The following ARHGAP24 variants were observed in gnomAD, a reference collection of about 807,000 sequenced individuals.
ARHGAP24 encodes rho GTPase-activating protein 24.
ARHGAP24 carries 50 observed loss-of-function variants against 76.4 expected under a neutral mutation model. That is an observed-to-expected ratio of 0.65 (90% confidence interval 0.52 to 0.83). ARHGAP24 has a LOEUF of 0.83. Ranked by LOEUF, ARHGAP24 falls within the 40% of genes least tolerant of loss-of-function variation. The pLI, the probability that ARHGAP24 is intolerant of heterozygous loss-of-function variation, is 0.00. For synonymous variants in ARHGAP24, 345 were observed against 323.3 expected (o/e 1.07, Z -0.72); for missense variants, 930 against 914.2 (o/e 1.02, Z -0.22).
chr4:85,481,373 A>T (rs1284402723), intron 1 of ARHGAP24, among the ~76,000 whole-genome samples: 3 of 152,298 alleles, frequency 2.0e-5, no homozygotes, highest in East Asian at 1.9e-4. Context: ...TGAATTTTCA[A>T]ATAATAAACT....
At chr4:85,816,989 G>T (rs945170993) in intron 3 of ARHGAP24, among the ~76,000 whole-genome samples, 2 of 152,096 alleles carry the variant, frequency 1.3e-5, no homozygotes, top group South Asian at 4.1e-4. Flanking sequence ...AACTCATTGT[G>T]GTTTTGATTT....
intron 1 of ARHGAP24, among the ~76,000 whole-genome samples, chr4:85,549,915 G>A (rs1176677946): frequency 2.6e-5 from 4 of 152,158 alleles, no homozygotes; most frequent in African/African-American, 4.8e-5. Context: ...CCAGCTCTAT[G>A]TTGTTGCAAA....
intron 4 of ARHGAP24, among the ~76,000 whole-genome samples, chr4:85,929,700 C>G (rs1286251441): frequency 1.3e-5 from 2 of 152,196 alleles, no homozygotes; most frequent in African/African-American, 2.4e-5. Context: ...AGACTCTTTG[C>G]CACTGGATTT....
chr4:85,766,438 T>G (rs1287905246), intron 3 of ARHGAP24, among the ~76,000 whole-genome samples: 1 of 152,130 alleles, frequency 6.6e-6, no homozygotes, highest in Non-Finnish European at 1.5e-5. Flanking sequence ...TGTCCAGATC[T>G]TTGCCATTCA....
chr4:85,966,385 G>GT (rs1431999616), intron 5 of ARHGAP24, among the ~76,000 whole-genome samples: 1 of 152,150 alleles, frequency 6.6e-6, no homozygotes, highest in East Asian at 1.9e-4. Context: ...ACAAGCACTA[G>GT]TTCAATGTAG....
intron 4 of ARHGAP24, among the ~76,000 whole-genome samples, chr4:85,931,982 GTAAC>G (rs1004475041): frequency 5.4e-5 from 8 of 149,486 alleles, no homozygotes; most frequent in African/African-American, 1.8e-4. Context: ...TCCCTAGTTA[GTAAC>G]TAACAAAAAA....
chr4:85,630,252 C>A (rs1721115646), intron 2 of ARHGAP24, among the ~76,000 whole-genome samples: 1 of 152,074 alleles, frequency 6.6e-6, no homozygotes, highest in Non-Finnish European at 1.5e-5. Context: ...ATGTTGTTTT[C>A]CTGGTATCAT....
intron 2 of ARHGAP24, among the ~76,000 whole-genome samples, chr4:85,642,423 C>T (rs925944102): frequency 7.9e-5 from 12 of 152,058 alleles, no homozygotes; most frequent in African/African-American, 2.2e-4. Context: ...GTCTACTAAG[C>T]GACTAATATA....
intron 2 of ARHGAP24, among the ~76,000 whole-genome samples, chr4:85,580,153 GGAGAGAGAGA>G (rs140863021): frequency 2.5e-4 from 37 of 148,250 alleles, no homozygotes; most frequent in Middle Eastern, 3.5e-3. Context: ...GGAGGGTGAT[GGAGAGAGAGA>G]GAGAGAGAGA....
chr4:85,888,202 A>C (rs908881233), intron 3 of ARHGAP24, among the ~76,000 whole-genome samples: 6 of 152,066 alleles, frequency 3.9e-5, no homozygotes, highest in Non-Finnish European at 1.5e-5. Flanking sequence ...GGAGTTTGAG[A>C]CCAGCCTGGG....
chr4:85,715,367 G>A (rs540349646), intron 2 of ARHGAP24, among the ~76,000 whole-genome samples: 3 of 151,922 alleles, frequency 2.0e-5, no homozygotes, highest in Admixed American at 6.6e-5. Flanking sequence ...CAAAATATGG[G>A]CCCAAAATAG....
intron 3 of ARHGAP24, among the ~76,000 whole-genome samples, chr4:85,785,434 T>C (rs1437924960): frequency 6.6e-6 from 1 of 152,198 alleles, no homozygotes; most frequent in Non-Finnish European, 1.5e-5. Flanking sequence ...GAGTATTATA[T>C]TTTATTTTGA....
chr4:85,646,359 G>A lies in ARHGAP24; in HGVS notation c.181-75526G>A, dbSNP rs1721721729. 2.0e-5 allele frequency among the ~76,000 whole-genome samples: 3 copies of A among 152,078 alleles called. No individual in the cohort carries two copies. In the South Asian group the frequency reaches 6.2e-4, roughly 32 times the overall value. ...ATTACAGGCTTTTAGACTAAAAAAA[G>A]GTGTTAAATGTAATGTGGTATTACT... is the stretch of plus-strand genomic sequence containing the variant. On this transcript the variant is annotated intron_variant, in intron 2 of 9. Transcript: ENST00000395184.
chr4:85,988,702 C>T (rs566255757), intron 8 of ARHGAP24, among the ~76,000 whole-genome samples: 73 of 151,562 alleles, frequency 4.8e-4, no homozygotes, highest in African/African-American at 1.7e-3. Flanking sequence ...CAGAATTAAA[C>T]TCAACCATAT....
At chr4:85,775,775 G>GT (rs1308910908) in intron 3 of ARHGAP24, among the ~76,000 whole-genome samples, 1 of 152,140 alleles carries the variant, frequency 6.6e-6, no homozygotes, top group Non-Finnish European at 1.5e-5. Context: ...GGAGATTGTA[G>GT]TAGGGCTGAA....
chr4:85,757,371 G>C (rs6820032), intron 3 of ARHGAP24, among the ~76,000 whole-genome samples: 148,120 of 151,240 alleles, frequency 0.98, 72,615 homozygotes, highest in East Asian at 1. Context: ...CCCCTCTCCC[G>C]CAACCCCACG....
At chr4:85,970,798 T>G (rs1179078006) in intron 5 of ARHGAP24, among the ~76,000 whole-genome samples, 1 of 152,114 alleles carries the variant, frequency 6.6e-6, no homozygotes, top group Non-Finnish European at 1.5e-5. Flanking sequence ...CTACTACTCT[T>G]CCCGGTTCCA....
In ARHGAP24 at chr4:86,000,620, T is replaced by C. The variant is rs1740963491; in HGVS notation, c.2145T>C (p.Asn715=). ...CAAAAGAAGATGCCGAGAAAAGAAATGACATGCTACAGAAAGAAATGGAGC... is the reference window on the plus strand; with the variant it reads ...CAAAAGAAGATGCCGAGAAAAGAAACGACATGCTACAGAAAGAAATGGAGC... ...ERAKEDAEKR[N]DMLQKEMEQF... is the part of the protein sequence containing the mutation. Residue 715 remains asparagine (N), a synonymous_variant, in exon 10 of 10, where the codon AAT becomes AAC. Coordinates refer to ENST00000395184, the MANE Select transcript of ARHGAP24 (RefSeq NM_001025616.3). 3 of 1,613,764 alleles carry C rather than the reference T, an allele frequency of 1.9e-6. No individual in the cohort carries two copies. The highest frequency in any genetic ancestry group is 2.7e-5 in the African/African-American group (2 of 74,814).
intron 2 of ARHGAP24, among the ~76,000 whole-genome samples, chr4:85,629,616 G>A (rs1332174732): frequency 1.3e-5 from 2 of 152,048 alleles, no homozygotes; most frequent in Non-Finnish European, 2.9e-5. Context: ...GTCTTGCCAG[G>A]TATCTTATTC....
Sources: allele counts gnomAD v4.1 joint callset (sites outside exome capture counted in the v4.1 genomes callset), GRCh38; gene constraint gnomAD v4.1.1; transcripts MANE v1.5; gene names NCBI Gene and HGNC (gene_info 2026-07-23, HGNC 2026-07-21).